The following ERBB4 variants were observed in gnomAD, a reference collection of about 807,000 sequenced individuals.
ERBB4 encodes the protein erb-b2 receptor tyrosine kinase 4, also known as receptor tyrosine-protein kinase erbB-4.
Under a neutral mutation model 158.0 loss-of-function variants are expected in ERBB4, and 42 were observed. The ratio of observed to expected loss-of-function variants is 0.27; its 90% CI spans 0.21 to 0.34. The LOEUF is 0.34. ERBB4 is among the 10% of genes least tolerant of loss of function. ERBB4 has a pLI of 1.00. For synonymous variants in ERBB4, 583 were observed against 558.7 expected (o/e 1.04, Z -0.61); for missense variants, 1,333 against 1,624.1 (o/e 0.82, Z 3.08).
intron 1 of ERBB4, among the ~76,000 whole-genome samples, chr2:212,127,502 G>A (rs2079974238): frequency 6.6e-6 from 1 of 152,154 alleles, no homozygotes; most frequent in Admixed American, 6.5e-5. Context: ...TGAGGCAGGA[G>A]AATGGCATGA....
At chr2:212,071,137 C>G (rs1346712255) in intron 2 of ERBB4, among the ~76,000 whole-genome samples, 1 of 151,858 alleles carries the variant, frequency 6.6e-6, no homozygotes, top group African/African-American at 2.4e-5. Context: ...ACTAGATATA[C>G]TTTCTTTGGG....
rs544904752 is a variant in ERBB4, at chr2:211,392,537, T to C, written c.3136-4545A>G. Among the ~76,000 whole-genome samples, 3 of 150,062 alleles carry C rather than the reference T, an allele frequency of 2.0e-5. No individual in the cohort carries two copies. The East Asian group carries it at 5.9e-4, about 30-fold the overall frequency. Reference sequence around the variant, plus strand: ...GGTTTGATTCTGTGGGACTCTACTTTTTTGAAAAAACTCTCTTACTCCACA... The same window carrying C: ...GGTTTGATTCTGTGGGACTCTACTTCTTTGAAAAAACTCTCTTACTCCACA... On this transcript the variant is annotated intron_variant, in intron 25 of 27. Coordinates refer to ENST00000342788, the MANE Select transcript of ERBB4 (RefSeq NM_005235.3).
At chr2:211,725,004 A>G in intron 6 of ERBB4, 72 bp downstream of exon 6, 1 of 1,123,976 alleles carries the variant, frequency 8.9e-7, no homozygotes, top group South Asian at 1.2e-5. Context: ...TAAGACAAAG[A>G]TTCAGTATGC....
chr2:211,820,404 C>A (rs75650847), intron 3 of ERBB4, among the ~76,000 whole-genome samples: 83 of 151,920 alleles, frequency 5.5e-4, no homozygotes, highest in African/African-American at 1.9e-3. Flanking sequence ...ATCCTGAACA[C>A]ACCAATGACA....
chr2:211,976,078 A>C (rs1416648304), intron 2 of ERBB4, among the ~76,000 whole-genome samples: 2 of 152,184 alleles, frequency 1.3e-5, no homozygotes, highest in African/African-American at 4.8e-5. Context: ...TGGGCAGAGA[A>C]GTTTTATTTT....
At chr2:212,340,879 T>C (rs1188409440) in intron 1 of ERBB4, among the ~76,000 whole-genome samples, 1 of 152,194 alleles carries the variant, frequency 6.6e-6, no homozygotes, top group Non-Finnish European at 1.5e-5. Flanking sequence ...AGTATTTTCC[T>C]AGGTGACCAT....
intron 1 of ERBB4, among the ~76,000 whole-genome samples, chr2:212,486,223 CTG>C (rs1491544141): frequency 6.6e-6 from 1 of 151,904 alleles, no homozygotes; most frequent in Non-Finnish European, 1.5e-5. Context: ...ATTAAAGTAA[CTG>C]GGGGTGTATA....
chr2:212,403,296 T>C (rs761335303), intron 1 of ERBB4, among the ~76,000 whole-genome samples: 23 of 152,018 alleles, frequency 1.5e-4, no homozygotes, highest in Non-Finnish European at 3.2e-4. Flanking sequence ...TTTTGGGAGA[T>C]TTCTCGATTT....
intron 1 of ERBB4, among the ~76,000 whole-genome samples, chr2:212,397,526 A>C (rs1168916892): frequency 1.6e-5 from 2 of 128,192 alleles, no homozygotes; most frequent in South Asian, 2.9e-4. Context: ...GAAGGGGGGA[A>C]GGGAGGGAGG....
chr2:211,851,446 G>A (rs548437850), intron 3 of ERBB4, among the ~76,000 whole-genome samples: 1 of 151,994 alleles, frequency 6.6e-6, no homozygotes, highest in South Asian at 2.1e-4. Flanking sequence ...GCATCTCTGG[G>A]TCAAAATGTT....
intron 1 of ERBB4, among the ~76,000 whole-genome samples, chr2:212,405,000 G>A (rs978486781): frequency 2.0e-5 from 3 of 151,950 alleles, no homozygotes; most frequent in Admixed American, 6.6e-5. Flanking sequence ...TTTTATGGCT[G>A]CATAATATTC....
At chr2:211,737,351 A>C (rs2074634292) in intron 5 of ERBB4, among the ~76,000 whole-genome samples, 1 of 152,096 alleles carries the variant, frequency 6.6e-6, no homozygotes, top group South Asian at 2.1e-4. Context: ...ATTTCTCTAC[A>C]TGCAGAAATC....
At chr2:212,502,244 A>T (rs146677118) in intron 1 of ERBB4, among the ~76,000 whole-genome samples, 358 of 152,280 alleles carry the variant, frequency 2.4e-3, no homozygotes, top group African/African-American at 7.7e-3. Flanking sequence ...GAAGTAAGCT[A>T]ATGTCAAATT....
chr2:211,536,638 A>G (rs1015146245), intron 20 of ERBB4, among the ~76,000 whole-genome samples: 1 of 152,030 alleles, frequency 6.6e-6, no homozygotes, highest in African/African-American at 2.4e-5. Flanking sequence ...AGATGGAGGG[A>G]GGTTCTTGAA....
intron 25 of ERBB4, among the ~76,000 whole-genome samples, chr2:211,406,010 T>A (rs1022997762): frequency 2.0e-5 from 3 of 152,126 alleles, no homozygotes. Flanking sequence ...CATCAAACTT[T>A]CCACTCATGT....
chr2:212,404,229 C>A (rs1174854923), intron 1 of ERBB4, among the ~76,000 whole-genome samples: 2 of 151,930 alleles, frequency 1.3e-5, no homozygotes, highest in Non-Finnish European at 2.9e-5. Context: ...AGTCAATGGC[C>A]AAGTCAAGAC....
At chr2:211,557,706 TAGC>T (rs1313641668) in intron 20 of ERBB4, among the ~76,000 whole-genome samples, 2 of 152,148 alleles carry the variant, frequency 1.3e-5, no homozygotes, top group Non-Finnish European at 2.9e-5. Context: ...GAAAGCAGTC[TAGC>T]AATTCCTCAA....
rs370175137 is a variant in ERBB4, at chr2:211,947,593, G to A, written c.258C>T (p.Tyr86=). 25 of 1,613,528 alleles carry A rather than the reference G, an allele frequency of 1.5e-5. No individual in the cohort carries two copies. Among genetic ancestry groups the A allele is most frequent in the South Asian group, 8.8e-5 (8 of 91,050 alleles). ...GAAACTGATTAAGAGCCACTAACAC[G>A]TAGCCTGTGACTTCTCGAACAGACT... ...FLRSVREVTG[Y]VLVALNQFRY... Residue 86 remains tyrosine, a synonymous_variant, in exon 3 of 28, where the codon TAC becomes TAT. Coordinates refer to ENST00000342788, the MANE Select transcript of ERBB4 (RefSeq NM_005235.3).
chr2:211,550,333 A>G (rs985751995), intron 20 of ERBB4, among the ~76,000 whole-genome samples: 3 of 151,870 alleles, frequency 2.0e-5, no homozygotes, highest in Non-Finnish European at 2.9e-5. Flanking sequence ...CCTGATAGCC[A>G]CCACTCTACT....
Sources: allele counts gnomAD v4.1 joint callset (sites outside exome capture counted in the v4.1 genomes callset), GRCh38; gene constraint gnomAD v4.1.1; transcripts MANE v1.5; gene names NCBI Gene and HGNC (gene_info 2026-07-23, HGNC 2026-07-21).